The following DPYSL4 variants were observed in gnomAD, a reference collection of about 807,000 sequenced individuals.
DPYSL4 encodes the protein dihydropyrimidinase-related protein 4.
Under a neutral mutation model 63.4 loss-of-function variants are expected in DPYSL4, and 43 were observed. That is an observed-to-expected ratio of 0.68 (90% CI 0.53 to 0.88). DPYSL4 has a LOEUF of 0.88. DPYSL4 is among the 40% of genes least tolerant of loss of function. The probability of loss-of-function intolerance (pLI) is 0.00; values close to 1 mark genes in which losing one functional copy is unlikely to be tolerated. For missense variants in DPYSL4, 733 were observed against 819.5 expected, an observed-to-expected ratio of 0.89 and a Z score of 1.29; for synonymous variants, 353 against 331.7, an observed-to-expected ratio of 1.06 and a Z score of -0.70.
Position 132,187,097 on chromosome 10 carries a change from A to G in DPYSL4, c.34A>G (p.Ile12Val). 3 of 1,445,400 alleles carry G rather than the reference A, an allele frequency of 2.1e-6. No individual in the cohort carries two copies. The highest frequency in any genetic ancestry group is 1.2e-5 in the South Asian group (1 of 80,788). 89.5% of individuals were successfully genotyped at this position (1,445,400 alleles called of 1,614,324 possible). A position where few individuals can be genotyped will look rare whatever the true frequency, so the allele number is the denominator to read the frequency against. Residue 12 changes from isoleucine (I) to valine (V), a missense_variant, in exon 1 of 14, where the codon ATC (isoleucine) becomes GTC (valine). Ile to Val is a conservative substitution (Grantham distance 29, BLOSUM62 3). Transcript: ENST00000338492. ...CCAGGGCAAGAAAAGCATCCCCCGG[A>G]TCACGGTGAGCCCGGTCCCGCTTCG... is the stretch of plus-strand genomic sequence containing the variant. ...SFQGKKSIPR[I>V]TSDRLLIRGG...
At chr10:132,187,368 C>CCT (rs1163116804) in intron 1 of DPYSL4, among the ~76,000 whole-genome samples, 5 of 10,308 alleles carry the variant, frequency 4.9e-4, no homozygotes, top group Non-Finnish European at 1.2e-3. Context: ...CGGGCCCTGC[C>CCT]GGGCCCTGCC....
chr10:132,202,532 A>T, intron 11 of DPYSL4, 114 bp from the exon 12 acceptor site: 1 of 1,348,604 alleles, frequency 7.4e-7, no homozygotes, highest in Admixed American at 2.2e-5. Context: ...GGCTCAGTGT[A>T]GGCACACCGG....
chr10:132,203,842 T>C lies in DPYSL4; in HGVS notation c.1542T>C (p.Ser514=), dbSNP rs1183230561. 6.2e-7 allele frequency: 1 copy of C among 1,612,446 alleles called. No individual in the cohort carries two copies. Among genetic ancestry groups the C allele is most frequent in the Non-Finnish European group, 8.5e-7 (1 of 1,179,716 alleles). ...TGATGGTGCCTGCCAAGCCAGGGAGTGGCGCTCCGGCCCGCGCGTCCTGCC... is the reference window on the plus strand; with the variant it reads ...TGATGGTGCCTGCCAAGCCAGGGAGCGGCGCTCCGGCCCGCGCGTCCTGCC... ...HEVMVPAKPG[S]GAPARASCPG... Residue 514 remains serine, a synonymous_variant, in exon 13 of 14, where the codon AGT becomes AGC. Coordinates refer to ENST00000338492, the MANE Select transcript of DPYSL4 (RefSeq NM_006426.3).
At chr10:132,202,395 C>T (rs545632218) in intron 11 of DPYSL4, among the ~76,000 whole-genome samples, 3 of 152,362 alleles carry the variant, frequency 2.0e-5, no homozygotes, top group African/African-American at 7.2e-5. Flanking sequence ...GGAGAAGTGA[C>T]CCTCCCTGCC....
At chr10:132,187,330 GGCCCGGCCCGGCCCT>G (rs1233009359) in intron 1 of DPYSL4, among the ~76,000 whole-genome samples, 1 of 25,122 alleles carries the variant, frequency 4.0e-5, no homozygotes, top group African/African-American at 1.1e-4. Context: ...GCCCAGGCCC[GGCCCGGCCCGGCCCT>G]GCCCGGCCCT....
intron 11 of DPYSL4, among the ~76,000 whole-genome samples, chr10:132,202,441 G>A (rs941322275): frequency 8.5e-5 from 13 of 152,226 alleles, no homozygotes; most frequent in South Asian, 2.1e-4. Context: ...CGAGAGAAAC[G>A]GGACTCAGAA....
Position 132,200,419 on chromosome 10 carries a change from G to C in DPYSL4, c.875G>C (p.Ser292Thr). 1 of 1,613,604 alleles carries C rather than the reference G, an allele frequency of 6.2e-7. No individual in the cohort carries two copies. The highest frequency in any genetic ancestry group is 8.5e-7 in the Non-Finnish European group (1 of 1,179,948). ...GGCACCGACGGTTCACACTACTGGAGCAAGAACTGGGCCAAGGCCGCAGCC... is the reference window on the plus strand; with the variant it reads ...GGCACCGACGGTTCACACTACTGGACCAAGAACTGGGCCAAGGCCGCAGCC... ...SLGTDGSHYW[S>T]KNWAKAAAFV... is the part of the protein sequence containing the mutation. The change falls in exon 9 of 14, where the codon AGC becomes ACC. Residue 292 changes from serine (S) to threonine (T), a missense_variant. Physicochemically the swap from Ser to Thr is moderately conservative, Grantham distance 58. Transcript: ENST00000338492.
At position 132,202,815 on chromosome 10, in the gene DPYSL4, C is replaced by A; in HGVS notation, c.1451C>A (p.Ala484Asp). ...FPDFVYKRIK[A>D]RNRLAEIHGV... ...GACTTTGTCTACAAGAGGATCAAAG[C>A]TCGCAACAGGGTAGGGCGGCACCCG... Residue 484 changes from alanine (A) to aspartate (D), a missense_variant, in exon 12 of 14, where the codon GCT becomes GAT. Physicochemically the swap from Ala to Asp is moderately radical, Grantham distance 126. Transcript: ENST00000338492. The A allele has an allele frequency of 6.3e-7, 1 of 1,598,878 alleles. No individual in the cohort carries two copies. The highest frequency in any genetic ancestry group is 8.5e-7 in the Non-Finnish European group (1 of 1,172,170).
At chr10:132,199,015 C>G (rs554545108) in intron 8 of DPYSL4, 44 bp downstream of exon 8, 1 of 1,594,022 alleles carries the variant, frequency 6.3e-7, no homozygotes, top group Non-Finnish European at 8.6e-7. Flanking sequence ...GCCATGGTCT[C>G]GGCCTCCTGG....
Position 132,197,099 on chromosome 10 carries a change from G to A in DPYSL4, c.619G>A (p.Glu207Lys). ...CGCTGAGAACGGGGACATCGTGGAG[G>A]AGGTGCCGTGGGGCAGGGCTGCCGT... ...VHAENGDIVE[E>K]EQKRLLELGI... Residue 207 changes from glutamate (E) to lysine (K), a missense_variant and splice_region_variant, in exon 6 of 14, where the codon GAG (glutamate) becomes AAG (lysine). Transcript: ENST00000338492. 2.6e-6 allele frequency: 4 copies of A among 1,509,918 alleles called. No individual in the cohort carries two copies. The highest frequency in any genetic ancestry group is 3.6e-6 in the Non-Finnish European group (4 of 1,125,314). The allele number at this position is 1,509,918 out of a possible 1,614,324, so 93.5% of individuals were successfully genotyped here.
At chr10:132,193,653 G>A (rs1295328754) in intron 3 of DPYSL4, among the ~76,000 whole-genome samples, 1 of 152,248 alleles carries the variant, frequency 6.6e-6, no homozygotes, top group African/African-American at 2.4e-5. Context: ...AGCTGAACCT[G>A]GTTGTATGGT....
chr10:132,198,532 C>T, intron 7 of DPYSL4, 49 bp downstream of exon 7: 2 of 1,521,702 alleles, frequency 1.3e-6, no homozygotes, highest in Admixed American at 1.9e-5. Flanking sequence ...CCGCCCAGAC[C>T]ACTGCTGCCT....
Position 132,197,030 on chromosome 10 carries a change from A to T in DPYSL4, c.550A>T (p.Ile184Phe), listed in dbSNP as rs1489669402. The T allele has an allele frequency of 1.2e-6, 2 of 1,604,400 alleles. No homozygotes were observed. Among genetic ancestry groups the T allele is most frequent in the South Asian group, 1.1e-5 (1 of 90,350 alleles). ...CQCSDSQMYE[I>F]FSIIRDLGAL... Reference sequence around the variant, plus strand: ...CCACTTCTCTTCCCAGATGTACGAGATCTTCAGCATCATCCGGGACCTGGG... The same window carrying T: ...CCACTTCTCTTCCCAGATGTACGAGTTCTTCAGCATCATCCGGGACCTGGG... Residue 184 changes from isoleucine to phenylalanine, a missense_variant, in exon 6 of 14, where the codon ATC (isoleucine) becomes TTC (phenylalanine). Ile to Phe is a conservative substitution (Grantham distance 21, BLOSUM62 0). Transcript: ENST00000338492.
intron 8 of DPYSL4, 134 bp from the exon 9 acceptor site, chr10:132,200,222 G>T (rs1365331443): frequency 6.9e-6 from 8 of 1,162,246 alleles, no homozygotes; most frequent in African/African-American, 1.5e-5. Flanking sequence ...CAGGGCCAGG[G>T]ACTCTAGACT....
At chr10:132,192,504 C>T in intron 2 of DPYSL4, 154 bp from the exon 3 acceptor site, 1 of 1,398,146 alleles carries the variant, frequency 7.2e-7, no homozygotes, top group Non-Finnish European at 9.3e-7. Context: ...CCCTGGCACT[C>T]CCGAGGAGCT....
intron 10 of DPYSL4, among the ~76,000 whole-genome samples, chr10:132,201,317 G>T (rs988408302): frequency 6.6e-6 from 1 of 152,064 alleles, no homozygotes; most frequent in African/African-American, 2.4e-5. Flanking sequence ...ACGACCCGTC[G>T]CACACCGCCC....
rs2061801595 is a variant in DPYSL4 at position 132,187,015 on chromosome 10, CCG to C, written c.-47_-46del. On this transcript the variant is annotated 5_prime_UTR_variant, in exon 1 of 14. Coordinates refer to ENST00000338492, the MANE Select transcript of DPYSL4 (RefSeq NM_006426.3). ...CGCGTCCCCCCGCCCGCCCGCCCGC[CCG>C]CCCGCCCCCGCTTGTGCCGCCCCTA... 2 of 221,790 alleles carry C rather than the reference CCG, an allele frequency of 9.0e-6. No homozygotes were observed. Among genetic ancestry groups the C allele is most frequent in the Non-Finnish European group, 1.6e-5 (2 of 122,920 alleles). 13.7% of individuals were successfully genotyped at this position (221,790 alleles called of 1,614,324 possible). A position where few individuals can be genotyped will look rare whatever the true frequency, so the allele number is the denominator to read the frequency against.
chr10:132,187,351 GC>G (rs766408377), intron 1 of DPYSL4, among the ~76,000 whole-genome samples: 6,884 of 38,046 alleles, frequency 0.18, 218 homozygotes, highest in Non-Finnish European at 0.22. Context: ...GCCCTGCCCG[GC>G]CCTGCCGGGC....
At chr10:132,201,297 C>T (rs1310239534) in intron 10 of DPYSL4, among the ~76,000 whole-genome samples, 2 of 152,136 alleles carry the variant, frequency 1.3e-5, no homozygotes, top group Non-Finnish European at 2.9e-5. Flanking sequence ...TGCTCCCCCG[C>T]GATGCCCTCA....
Sources: gnomAD v4.1 joint callset for allele counts (sites outside exome capture counted in the v4.1 genomes callset) on GRCh38, gnomAD v4.1.1 for gene constraint, MANE v1.5 for transcripts, NCBI Gene and HGNC (gene_info 2026-07-23, HGNC 2026-07-21) for gene names.